Variants in CIB4 observed in about 807,000 individuals in gnomAD.
CIB4 encodes the protein calcium and integrin-binding family member 4.
A neutral mutation model predicts 25.8 loss-of-function variants in CIB4; 25 were observed. The ratio of observed to expected loss-of-function variants is 0.97; its 90% CI spans 0.71 to 1.35. The LOEUF (loss-of-function observed/expected upper bound fraction) is 1.35, where lower values mean the gene tolerates loss of function less well. Ranked by LOEUF, CIB4 falls within the 40% of genes most tolerant of loss-of-function variation. The pLI, the probability that CIB4 is intolerant of heterozygous loss-of-function variation, is 0.00. For missense variants in CIB4, 235 were observed against 228.2 expected (o/e 1.03, Z -0.19); for synonymous variants, 75 against 81.4 (o/e 0.92, Z 0.42).
Position 26,603,830 on chromosome 2 carries a change from C to G in CIB4, c.187-8513G>C, listed in dbSNP as rs149313992. Among the ~76,000 whole-genome samples, 867 of 150,066 alleles carry G rather than the reference C, an allele frequency of 5.8e-3. 8 individuals carry two copies. Among genetic ancestry groups the G allele is most frequent in the African/African-American group, 0.02 (823 of 40,848 alleles). On this transcript the variant is annotated intron_variant, in intron 3 of 6. Transcript: ENST00000288861. The stretch of plus-strand genomic sequence containing the variant: ...CTGGGCAACATGGCAAAAACCCTAT[C>G]TCTATTTTAAAAAAATACAAAAATT...
At chr2:26,612,996 C>T (rs1041593711) in intron 3 of CIB4, among the ~76,000 whole-genome samples, 6 of 152,208 alleles carry the variant, frequency 3.9e-5, no homozygotes, top group African/African-American at 7.2e-5. Flanking sequence ...GAGCACTTCC[C>T]TCTGGCATTT....
At chr2:26,591,143 C>T (rs766252053) in intron 4 of CIB4, among the ~76,000 whole-genome samples, 10 of 152,204 alleles carry the variant, frequency 6.6e-5, no homozygotes, top group Non-Finnish European at 1.5e-4. Context: ...TACGCTCTAC[C>T]GTCTCTGAGA....
chr2:26,588,410 C>T (rs550264228), intron 4 of CIB4, among the ~76,000 whole-genome samples: 3 of 152,192 alleles, frequency 2.0e-5, no homozygotes, highest in East Asian at 1.9e-4. Flanking sequence ...CCAGCCCAGG[C>T]GGCCTCTGCA....
Position 26,616,191 on chromosome 2 carries a change from G to A in CIB4, c.186+13219C>T, listed in dbSNP as rs559100942. Among the ~76,000 whole-genome samples, 10 of 152,352 alleles carry A rather than the reference G, an allele frequency of 6.6e-5. No individual in the cohort carries two copies. In the South Asian group the frequency reaches 1.0e-3, roughly 16 times the overall value. On this transcript the variant is annotated intron_variant, in intron 3 of 6. Transcript: ENST00000288861. ...TGATGCATGTGTGACATCCCACACC[G>A]TGCTGGGCACAGCCCAGATCTCAGG... is the stretch of plus-strand genomic sequence containing the variant.
chr2:26,621,788 C>T (rs1669209076), intron 3 of CIB4, among the ~76,000 whole-genome samples: 1 of 152,108 alleles, frequency 6.6e-6, no homozygotes, highest in Admixed American at 6.5e-5. Flanking sequence ...ATACCAGGCT[C>T]AGAGGGCAAC....
At chr2:26,605,329 C>T (rs1239950382) in intron 3 of CIB4, among the ~76,000 whole-genome samples, 5 of 152,086 alleles carry the variant, frequency 3.3e-5, no homozygotes, top group Non-Finnish European at 7.3e-5. Context: ...ATGTCCTTCA[C>T]CCCTTGTTGG....
At position 26,590,622 on chromosome 2, in the gene CIB4, C is replaced by G. The variant is rs555219600; in HGVS notation, c.328+4554G>C. Among the ~76,000 whole-genome samples the G allele has an allele frequency of 3.8e-3, 573 of 152,258 alleles. 3 individuals carry two copies. Among genetic ancestry groups the G allele is most frequent in the Non-Finnish European group, 5.0e-3 (340 of 68,022 alleles). On this transcript the variant is annotated intron_variant, in intron 4 of 6. Coordinates refer to ENST00000288861, the MANE Select transcript of CIB4 (RefSeq NM_001029881.3). The stretch of plus-strand genomic sequence containing the variant: ...TCATCCTTCACTGTGGACCACTCCC[C>G]CCTCGACTTACTACGCAGGCTCAGG...
At chr2:26,589,069 TTCC>T (rs375837668) in intron 4 of CIB4, among the ~76,000 whole-genome samples, 15,469 of 63,672 alleles carry the variant, frequency 0.24, 3,751 homozygotes, top group Admixed American at 0.29. Context: ...CCTCTTCCTC[TTCC>T]TCTTCTTCTT....
chr2:26,633,778 G>A (rs1669479338), intron 2 of CIB4, among the ~76,000 whole-genome samples: 1 of 152,162 alleles, frequency 6.6e-6, no homozygotes, highest in South Asian at 2.1e-4. Context: ...CTTCCACACA[G>A]CCCAGAGAGG....
At chr2:26,603,039 G>A (rs1668822034) in intron 3 of CIB4, among the ~76,000 whole-genome samples, 1 of 121,022 alleles carries the variant, frequency 8.3e-6, no homozygotes, top group East Asian at 2.9e-4. Flanking sequence ...GATAGAGCAA[G>A]ACCCTGTCTC....
Position 26,629,485 on chromosome 2 carries a change from C to T in CIB4, c.111G>A (p.Lys37=). 6.3e-7 allele frequency: 1 copy of T among 1,575,412 alleles called. No individual in the cohort carries two copies. The highest frequency in any genetic ancestry group is 8.6e-7 in the Non-Finnish European group (1 of 1,159,756). Reference sequence around the variant, plus strand: ...TGTAGTACTTCCCAGGAGGGCAGAGCTTCAGGAAGGTGTCATGGATGCTGA... The same window carrying T: ...TGTAGTACTTCCCAGGAGGGCAGAGTTTCAGGAAGGTGTCATGGATGCTGA... The part of the protein sequence containing the change: ...EILCIHDTFL[K]LCPPGKYYKE... The change falls in exon 3 of 7, where the codon AAG becomes AAA. Residue 37 remains lysine (K), a synonymous_variant. Coordinates refer to ENST00000288861, the MANE Select transcript of CIB4 (RefSeq NM_001029881.3).
chr2:26,601,571 G>A (rs11885535), intron 3 of CIB4, among the ~76,000 whole-genome samples: 16,787 of 151,474 alleles, frequency 0.11, 1,031 homozygotes, highest in Middle Eastern at 0.17. Flanking sequence ...AAAACATTAG[G>A]TAACTATCAC....
intron 2 of CIB4, among the ~76,000 whole-genome samples, chr2:26,633,358 G>A (rs1048659430): frequency 6.6e-6 from 1 of 152,218 alleles, no homozygotes; most frequent in African/African-American, 2.4e-5. Context: ...GGTAAACTGA[G>A]GCTCCGAGAG....
intron 3 of CIB4, chr2:26,623,659 A>G (rs183086953): frequency 7.1e-6 from 3 of 422,884 alleles, no homozygotes; most frequent in African/African-American, 2.0e-5. Flanking sequence ...TAACAGATGG[A>G]ATAAAATGTA....
intron 3 of CIB4, among the ~76,000 whole-genome samples, chr2:26,613,505 G>A (rs1669035547): frequency 6.6e-6 from 1 of 152,154 alleles, no homozygotes; most frequent in African/African-American, 2.4e-5. Flanking sequence ...GGCAGCTTCT[G>A]GGAATGCTGC....
intron 5 of CIB4, 37 bp from the exon 6 acceptor site, chr2:26,582,950 C>T: frequency 6.9e-7 from 1 of 1,447,140 alleles, no homozygotes. Flanking sequence ...GAGTGGAACC[C>T]CATGTCAGGC....
intron 2 of CIB4, 59 bp downstream of exon 2, chr2:26,640,474 A>G (rs1225553273): frequency 1.0e-5 from 16 of 1,560,524 alleles, no homozygotes; most frequent in Non-Finnish European, 1.3e-5. Context: ...TATTAGGGCA[A>G]GAATCCAGCT....
intron 3 of CIB4, among the ~76,000 whole-genome samples, chr2:26,624,301 G>A (rs1474080039): frequency 6.6e-6 from 1 of 152,176 alleles, no homozygotes; most frequent in African/African-American, 2.4e-5. Flanking sequence ...TCCCGTCCTT[G>A]CGGCCACAGA....
At chr2:26,603,944 A>C (rs1290528467) in intron 3 of CIB4, among the ~76,000 whole-genome samples, 1 of 151,164 alleles carries the variant, frequency 6.6e-6, no homozygotes, top group Admixed American at 6.6e-5. Context: ...CAGAGATTGC[A>C]ATGAGCCAAG....
Sources: allele counts gnomAD v4.1 joint callset (sites outside exome capture counted in the v4.1 genomes callset), GRCh38; gene constraint gnomAD v4.1.1; transcripts MANE v1.5; gene names NCBI Gene and HGNC (gene_info 2026-07-23, HGNC 2026-07-21).